The following ALKBH3 variants were observed in gnomAD, a reference collection of about 807,000 sequenced individuals.
ALKBH3 encodes the protein alkB homolog 3, alpha-ketoglutarate dependent dioxygenase, also known as alpha-ketoglutarate-dependent dioxygenase alkB homolog 3.
ALKBH3 carries 51 observed loss-of-function variants against 43.9 expected under a neutral mutation model. The observed-to-expected ratio is 1.16, with a 90% CI of 0.93 to 1.47. The LOEUF is 1.47. Ranked by LOEUF, ALKBH3 falls within the 40% of genes most tolerant of loss-of-function variation. ALKBH3 has a pLI of 0.00. For missense variants in ALKBH3, 361 were observed against 351.9 expected (o/e 1.03, Z -0.21); for synonymous variants, 102 against 115.2 (o/e 0.89, Z 0.73).
At chr11:43,917,435 C>T (rs1951992704) in intron 8 of ALKBH3, among the ~76,000 whole-genome samples, 1 of 152,138 alleles carries the variant, frequency 6.6e-6, no homozygotes, top group Non-Finnish European at 1.5e-5. Context: ...TCCTTAGTGT[C>T]TGTACTTGAT....
chr11:43,888,899 A>G (rs923336987), intron 5 of ALKBH3, among the ~76,000 whole-genome samples: 5 of 152,268 alleles, frequency 3.3e-5, no homozygotes, highest in African/African-American at 1.2e-4. Flanking sequence ...AGTGGGAGAA[A>G]GAACCCTCAT....
chr11:43,908,567 G>T (rs1308132809), intron 8 of ALKBH3, among the ~76,000 whole-genome samples: 4 of 151,898 alleles, frequency 2.6e-5, no homozygotes, highest in Admixed American at 6.5e-5. Context: ...GCATTTTTTG[G>T]AAATATTATA....
chr11:43,903,172 G>A (rs188175630), intron 8 of ALKBH3, among the ~76,000 whole-genome samples: 12 of 152,240 alleles, frequency 7.9e-5, no homozygotes, highest in African/African-American at 2.2e-4. Context: ...GGTAGTTGCC[G>A]GTGTTTTTTT....
At chr11:43,912,791 C>CA (rs969276227) in intron 8 of ALKBH3, among the ~76,000 whole-genome samples, 3 of 151,780 alleles carry the variant, frequency 2.0e-5, no homozygotes, top group African/African-American at 4.8e-5. Flanking sequence ...GTTTCAGATA[C>CA]AAAAAAAATT....
intron 8 of ALKBH3, chr11:43,910,163 AC>A (rs1236394918): frequency 4.6e-5 from 7 of 152,136 alleles, no homozygotes; most frequent in African/African-American, 1.7e-4. Context: ...CTTTTCTTTT[AC>A]ATTCAACCCC....
intron 3 of ALKBH3, among the ~76,000 whole-genome samples, chr11:43,883,642 G>A (rs1048614990): frequency 1.3e-5 from 2 of 152,050 alleles, no homozygotes; most frequent in African/African-American, 4.8e-5. Flanking sequence ...TAAAAAGTTG[G>A]GTTTCTTGCC....
chr11:43,916,552 G>T (rs1000266609), intron 8 of ALKBH3: 2 of 152,146 alleles, frequency 1.3e-5, no homozygotes. Flanking sequence ...GTTTTGGGGG[G>T]TGTGTTTTGT....
intron 8 of ALKBH3, among the ~76,000 whole-genome samples, chr11:43,907,676 A>G (rs1048823034): frequency 6.6e-6 from 1 of 151,946 alleles, no homozygotes; most frequent in Non-Finnish European, 1.5e-5. Flanking sequence ...GGCAGAGAAG[A>G]GCAAAGTGTG....
Position 43,901,605 on chromosome 11 carries a change from T to A in ALKBH3, c.549T>A (p.Asn183Lys), listed in dbSNP as rs902656942. The A allele has an allele frequency of 3.7e-6, 6 of 1,614,126 alleles. No homozygotes were observed. The Admixed American group carries it at 8.3e-5, about 22-fold the overall frequency. Reference sequence around the variant, plus strand: ...CCTTACTCTGCAATCTTTATCGCAATGAGAAGGACAGCGTGGACTGGCACA... The same window carrying A: ...CCTTACTCTGCAATCTTTATCGCAAAGAGAAGGACAGCGTGGACTGGCACA... ...FNSLLCNLYRNEKDSVDWHSD... is the reference protein window; with the variant it reads ...FNSLLCNLYRKEKDSVDWHSD... The change falls in exon 8 of 10, where the codon AAT (asparagine) becomes AAA (lysine). Residue 183 changes from asparagine (N) to lysine (K), a missense_variant. Coordinates refer to ENST00000302708, the MANE Select transcript of ALKBH3 (RefSeq NM_139178.4).
intron 7 of ALKBH3, among the ~76,000 whole-genome samples, chr11:43,896,393 A>G (rs1197457340): frequency 6.6e-6 from 1 of 152,180 alleles, no homozygotes; most frequent in Non-Finnish European, 1.5e-5. Flanking sequence ...AAGGAGAGCC[A>G]GTCTGAGTCC....
At chr11:43,918,284 C>G (rs374164359) in intron 8 of ALKBH3, among the ~76,000 whole-genome samples, 1 of 152,214 alleles carries the variant, frequency 6.6e-6, no homozygotes, top group East Asian at 1.9e-4. Flanking sequence ...CTGAAGACTC[C>G]TGAGAATATT....
At chr11:43,890,756 C>T (rs924397007) in intron 6 of ALKBH3, among the ~76,000 whole-genome samples, 7 of 151,844 alleles carry the variant, frequency 4.6e-5, no homozygotes, top group Admixed American at 2.6e-4. Flanking sequence ...CCCAGCTACT[C>T]GGGAGGCTGA....
chr11:43,881,635 A>G (rs1327482919), intron 1 of ALKBH3, among the ~76,000 whole-genome samples: 1 of 152,212 alleles, frequency 6.6e-6, no homozygotes, highest in Non-Finnish European at 1.5e-5. Flanking sequence ...TTACATGCTT[A>G]TCATCTGGGG....
intron 8 of ALKBH3, among the ~76,000 whole-genome samples, chr11:43,915,782 ACT>A (rs1325119391): frequency 1.3e-5 from 2 of 152,192 alleles, no homozygotes; most frequent in East Asian, 1.9e-4. Context: ...TATCTGGAAG[ACT>A]CTGTGTGTAT....
chr11:43,899,224 C>T, intron 7 of ALKBH3: 1 of 749,334 alleles, frequency 1.3e-6, no homozygotes, highest in Non-Finnish European at 2.5e-6. Flanking sequence ...GGCAGTGGGG[C>T]CGTGACTACA....
chr11:43,901,436 T>A, intron 7 of ALKBH3, 80 bp from the exon 8 acceptor site: 4 of 1,555,384 alleles, frequency 2.6e-6, no homozygotes, highest in Non-Finnish European at 3.5e-6. Context: ...ATTTTGCCCT[T>A]TCTTTTCTGT....
At chr11:43,904,331 C>T (rs1392559889) in intron 8 of ALKBH3, among the ~76,000 whole-genome samples, 1 of 152,218 alleles carries the variant, frequency 6.6e-6, no homozygotes, top group Non-Finnish European at 1.5e-5. Context: ...CATGTTGGTA[C>T]TTCAGGTTGT....
chr11:43,897,934 C>T (rs974998201), intron 7 of ALKBH3: 20 of 782,528 alleles, frequency 2.6e-5, no homozygotes, highest in African/African-American at 1.9e-4. Context: ...ATACTACCTT[C>T]GCCATTTAGA....
At chr11:43,895,098 T>C (rs1951809320) in intron 7 of ALKBH3, among the ~76,000 whole-genome samples, 1 of 152,246 alleles carries the variant, frequency 6.6e-6, no homozygotes. Context: ...TGAGTGATTA[T>C]GTAAGCTTCC....
Sources: allele counts gnomAD v4.1 joint callset (sites outside exome capture counted in the v4.1 genomes callset), GRCh38; gene constraint gnomAD v4.1.1; transcripts MANE v1.5; gene names NCBI Gene and HGNC (gene_info 2026-07-23, HGNC 2026-07-21).